Variants in ZBTB16 observed in about 807,000 individuals in gnomAD.
The protein encoded by ZBTB16 is zinc finger and BTB domain-containing protein 16.
Under a neutral mutation model 56.8 loss-of-function variants are expected in ZBTB16, and 8 were observed. That is an observed-to-expected ratio of 0.14 (90% CI 0.08 to 0.25). The LOEUF is 0.25. ZBTB16 is among the 10% of genes least tolerant of loss of function. The pLI, the probability that ZBTB16 is intolerant of heterozygous loss-of-function variation, is 1.00. For synonymous variants in ZBTB16, 363 were observed against 368.5 expected (o/e 0.98, Z 0.17); for missense variants, 625 against 903.0 (o/e 0.69, Z 3.95).
At chr11:114,069,043 C>T (rs1262221381) in intron 2 of ZBTB16, among the ~76,000 whole-genome samples, 1 of 152,298 alleles carries the variant, frequency 6.6e-6, no homozygotes, top group Admixed American at 6.5e-5. Context: ...CTTAGGTCAG[C>T]TGCAGTGGAT....
intron 4 of ZBTB16, among the ~76,000 whole-genome samples, chr11:114,218,380 C>T (rs1375391075): frequency 2.6e-5 from 4 of 152,164 alleles, no homozygotes; most frequent in Non-Finnish European, 5.9e-5. Context: ...GGTCCTGCCC[C>T]ACTGGGGCTT....
At chr11:114,235,042 G>A (rs1944535197) in intron 4 of ZBTB16, among the ~76,000 whole-genome samples, 1 of 152,192 alleles carries the variant, frequency 6.6e-6, no homozygotes, top group African/African-American at 2.4e-5. Context: ...GAAGGATTTG[G>A]GGGCTGGGGG....
Position 114,242,251 on chromosome 11 carries a change from C to T in ZBTB16, c.1538C>T (p.Ala513Val), listed in dbSNP as rs568997208. 1.9e-6 allele frequency: 3 copies of T among 1,614,042 alleles called. No homozygotes were observed. The highest frequency in any genetic ancestry group is 1.1e-5 in the South Asian group (1 of 91,086). ...CTGCAGCAGCACATGGAGGTCCACG[C>T]GGGCGTGCGCAGCTACATCTGCAGT... is the stretch of plus-strand genomic sequence containing the variant. ...SALQQHMEVH[A>V]GVRSYICSEC... Residue 513 changes from alanine to valine, a missense_variant, in exon 5 of 7, where the codon GCG becomes GTG. By Grantham distance (64) the Ala-to-Val change is moderately conservative (BLOSUM62 0). Coordinates refer to ENST00000335953, the MANE Select transcript of ZBTB16 (RefSeq NM_006006.6).
Position 114,233,066 on chromosome 11 carries a change from TGCGCGCGC to T in ZBTB16, c.1454-9092_1454-9085del, listed in dbSNP as rs71063553. 4.8e-3 allele frequency among the ~76,000 whole-genome samples: 451 copies of T among 94,354 alleles called. 12 individuals carry two copies. Among genetic ancestry groups the T allele is most frequent in the South Asian group, 0.019 (43 of 2,308 alleles). 61.9% of individuals were successfully genotyped at this position (94,354 alleles called of 152,430 possible). ...CCACCCACTCTACTGCACATACGCA[TGCGCGCGC>T]GCGCGCGCACACACACACACACACA... On this transcript the variant is annotated intron_variant, in intron 4 of 6. Coordinates refer to ENST00000335953, the MANE Select transcript of ZBTB16 (RefSeq NM_006006.6).
chr11:114,238,527 C>T (rs1944641386), intron 4 of ZBTB16, among the ~76,000 whole-genome samples: 2 of 152,008 alleles, frequency 1.3e-5, no homozygotes, highest in Admixed American at 1.3e-4. Flanking sequence ...CCCTCTTTTA[C>T]AAGGACACTC....
intron 2 of ZBTB16, among the ~76,000 whole-genome samples, chr11:114,100,604 G>A (rs963683857): frequency 6.6e-6 from 1 of 152,094 alleles, no homozygotes. Context: ...CCTCCCTCTC[G>A]GGAGACTATG....
At chr11:114,102,324 G>T (rs1306980605) in intron 2 of ZBTB16, among the ~76,000 whole-genome samples, 4 of 152,184 alleles carry the variant, frequency 2.6e-5, no homozygotes, top group African/African-American at 9.7e-5. Context: ...AAATCTCACT[G>T]GGGGTTGAGG....
chr11:114,178,464 C>A (rs1235956469), intron 3 of ZBTB16, among the ~76,000 whole-genome samples: 2 of 152,098 alleles, frequency 1.3e-5, no homozygotes, highest in East Asian at 1.9e-4. Context: ...GGGACTTGAA[C>A]CAGAGTTTGT....
At chr11:114,150,578 T>A (rs1238502654) in intron 2 of ZBTB16, among the ~76,000 whole-genome samples, 2 of 152,246 alleles carry the variant, frequency 1.3e-5, no homozygotes, top group Non-Finnish European at 2.9e-5. Flanking sequence ...GATAGCCTCA[T>A]AACTTTGCAT....
chr11:114,100,708 A>G (rs1940575600), intron 2 of ZBTB16, among the ~76,000 whole-genome samples: 2 of 152,150 alleles, frequency 1.3e-5, no homozygotes, highest in East Asian at 3.9e-4. Context: ...GATGAAACTC[A>G]ATGAGGACCC....
chr11:114,187,088 C>T lies in ZBTB16; in HGVS notation c.1453+50C>T, dbSNP rs775275983. Reference sequence around the variant, plus strand: ...TCCAGGTTTTCCACAGTGTTGGTAGCACATGGACATGAACTGTCTGGGTGG... The same window carrying T: ...TCCAGGTTTTCCACAGTGTTGGTAGTACATGGACATGAACTGTCTGGGTGG... On this transcript the variant is annotated intron_variant, in intron 4 of 6. Coordinates refer to ENST00000335953, the MANE Select transcript of ZBTB16 (RefSeq NM_006006.6). 30 of 1,573,164 alleles carry T rather than the reference C, an allele frequency of 1.9e-5. No individual in the cohort carries two copies. The Middle Eastern group carries it at 5.0e-4, about 26-fold the overall frequency.
At chr11:114,080,499 A>G (rs1031701257) in intron 2 of ZBTB16, among the ~76,000 whole-genome samples, 1 of 152,106 alleles carries the variant, frequency 6.6e-6, no homozygotes, top group Admixed American at 6.6e-5. Flanking sequence ...ATTAGAACAG[A>G]GTGTTAAAGA....
intron 4 of ZBTB16, among the ~76,000 whole-genome samples, chr11:114,208,678 T>C (rs1943937099): frequency 6.6e-6 from 1 of 152,192 alleles, no homozygotes; most frequent in Non-Finnish European, 1.5e-5. Context: ...TTTTCTTCCG[T>C]TGGCTTCTTT....
At chr11:114,247,169 A>C in intron 5 of ZBTB16, 29 bp from the exon 6 acceptor site, 1 of 1,614,162 alleles carries the variant, frequency 6.2e-7, no homozygotes, top group Non-Finnish European at 8.5e-7. Flanking sequence ...GGAGAGGCAA[A>C]GGCCTGATCC....
At chr11:114,088,140 C>CTTTTTTT (rs10695166) in intron 2 of ZBTB16, among the ~76,000 whole-genome samples, 11 of 123,056 alleles carry the variant, frequency 8.9e-5, no homozygotes, top group South Asian at 2.7e-4. Context: ...CCAGATACTT[C>CTTTTTTT]TTTTTTTTTT....
intron 4 of ZBTB16, chr11:114,209,748 A>C (rs1943957815): frequency 1.0e-6 from 1 of 985,376 alleles, no homozygotes. Flanking sequence ...CCCCTCTCTC[A>C]CTTGCCACTT....
intron 3 of ZBTB16, among the ~76,000 whole-genome samples, chr11:114,168,380 A>G (rs529760751): frequency 6.6e-6 from 1 of 152,316 alleles, no homozygotes; most frequent in South Asian, 2.1e-4. Context: ...CTCTCAGGAA[A>G]TATCTGTTGA....
At chr11:114,226,108 T>C (rs78323858) in intron 4 of ZBTB16, among the ~76,000 whole-genome samples, 2,649 of 152,264 alleles carry the variant, frequency 0.017, 80 homozygotes, top group African/African-American at 0.06. Flanking sequence ...TATTTTCTTA[T>C]CATTGTGTAG....
Position 114,250,614 on chromosome 11 carries a change from A to G in ZBTB16, c.*59A>G. The G allele has an allele frequency of 2.6e-6, 4 of 1,513,682 alleles. No individual in the cohort carries two copies. Among genetic ancestry groups the G allele is most frequent in the Non-Finnish European group, 3.7e-6 (4 of 1,089,818 alleles). The allele number at this position is 1,513,682 out of a possible 1,614,324, so 93.8% of individuals were successfully genotyped here. ...GCCAGGAAAGAAGAGTTGGAGTGAG[A>G]TGAAGGAAGGACTATGACAAATAAA... On this transcript the variant is annotated 3_prime_UTR_variant, in exon 7 of 7. Coordinates refer to ENST00000335953, the MANE Select transcript of ZBTB16 (RefSeq NM_006006.6). The surrounding 1 kb of genome is among the most constrained non-coding windows in gnomAD (Gnocchi z 6.0).
Sources: gnomAD v4.1 joint callset for allele counts (sites outside exome capture counted in the v4.1 genomes callset) on GRCh38, gnomAD v4.1.1 for gene constraint, Gnocchi (gnomAD v3.1) non-coding constraint, MANE v1.5 for transcripts, NCBI Gene and HGNC (gene_info 2026-07-23, HGNC 2026-07-21) for gene names.